Variants in PTPRT observed in about 807,000 individuals in gnomAD.
PTPRT encodes the protein receptor-type tyrosine-protein phosphatase T.
Under a neutral mutation model 176.8 loss-of-function variants are expected in PTPRT, and 56 were observed. That is an observed-to-expected ratio of 0.32 (90% CI 0.26 to 0.40). PTPRT has a LOEUF of 0.40. Among genes scored for constraint, PTPRT ranks in the 10% least tolerant of loss-of-function variants. The pLI, the probability that PTPRT is intolerant of heterozygous loss-of-function variation, is 1.00. For missense variants in PTPRT, 1,540 were observed against 1,908.2 expected, an observed-to-expected ratio of 0.81 and a Z score of 3.60; for synonymous variants, 783 against 739.0, an observed-to-expected ratio of 1.06 and a Z score of -0.96.
At chr20:43,163,155 A>G (rs1384125094) in intron 1 of PTPRT, among the ~76,000 whole-genome samples, 2 of 152,238 alleles carry the variant, frequency 1.3e-5, no homozygotes, top group African/African-American at 4.8e-5. Flanking sequence ...AACAATCAGC[A>G]TCCTCTTAGC....
At chr20:42,707,481 T>C (rs1247370799) in intron 6 of PTPRT, among the ~76,000 whole-genome samples, 2 of 152,174 alleles carry the variant, frequency 1.3e-5, no homozygotes, top group African/African-American at 4.8e-5. Context: ...AGATGTGTGG[T>C]GTCAGAACAT....
intron 11 of PTPRT, among the ~76,000 whole-genome samples, chr20:42,317,791 G>A (rs1183211600): frequency 1.3e-5 from 2 of 152,184 alleles, no homozygotes; most frequent in African/African-American, 2.4e-5. Flanking sequence ...TCAGGCATGC[G>A]AAAAGGAAGC....
Position 42,104,724 on chromosome 20 carries a change from A to G in PTPRT, c.3391-6T>C, listed in dbSNP as rs1019121546. 3.2e-6 allele frequency: 5 copies of G among 1,567,726 alleles called. No individual in the cohort carries two copies. Among genetic ancestry groups the G allele is most frequent in the African/African-American group, 2.7e-5 (2 of 73,974 alleles). ...TGCACAAACACATATTGCTCCTGCA[A>G]AGTCAGAAGAGAGGGAATGGGGTGC... On this transcript the variant is annotated splice_region_variant and splice_polypyrimidine_tract_variant and intron_variant, in intron 24 of 30. Transcript: ENST00000373187.
At chr20:42,620,619 C>G (rs1424713111) in intron 7 of PTPRT, among the ~76,000 whole-genome samples, 2 of 152,166 alleles carry the variant, frequency 1.3e-5, no homozygotes, top group East Asian at 1.9e-4. Context: ...ACCCTCCGAG[C>G]CAGGTGTGGG....
intron 7 of PTPRT, among the ~76,000 whole-genome samples, chr20:42,478,815 G>A (rs1601099123): frequency 6.6e-6 from 1 of 151,916 alleles, no homozygotes; most frequent in South Asian, 2.1e-4. Context: ...TTTGGTTCAT[G>A]TTCACCTCCA....
chr20:42,305,969 C>T (rs1811908581), intron 12 of PTPRT, among the ~76,000 whole-genome samples: 1 of 152,166 alleles, frequency 6.6e-6, no homozygotes, highest in African/African-American at 2.4e-5. Context: ...ACTGAGGCTG[C>T]TATTTCCATG....
chr20:43,096,808 C>A (rs1353503588), intron 1 of PTPRT, among the ~76,000 whole-genome samples: 1 of 152,186 alleles, frequency 6.6e-6, no homozygotes, highest in Non-Finnish European at 1.5e-5. Context: ...GGCCCCTGAT[C>A]CCTCTGGGAT....
In PTPRT at chr20:42,079,016, G is replaced by A. The variant is rs1176891842; in HGVS notation, c.*1863C>T. 1 of 179,534 alleles carries A rather than the reference G, an allele frequency of 5.6e-6. No homozygotes were observed. Among genetic ancestry groups the A allele is most frequent in the Non-Finnish European group, 1.2e-5 (1 of 83,902 alleles). The allele number at this position is 179,534 out of a possible 1,614,324, so 11.1% of individuals were successfully genotyped here. On this transcript the variant is annotated 3_prime_UTR_variant, in exon 31 of 31. Coordinates refer to ENST00000373187, the MANE Select transcript of PTPRT (RefSeq NM_007050.6). ...TCTCTGCCCCTCATGCCCTGTCTGG[G>A]GCTAGACCAGCCTTCAAGATGGAGC...
intron 6 of PTPRT, among the ~76,000 whole-genome samples, chr20:42,755,572 A>ATTTT (rs11480364): frequency 1.4e-5 from 2 of 147,130 alleles, no homozygotes; most frequent in African/African-American, 2.5e-5. Context: ...CTGTCAAACC[A>ATTTT]TTTTTTTTTT....
intron 7 of PTPRT, among the ~76,000 whole-genome samples, chr20:42,626,402 G>T (rs375785631): frequency 1.5e-4 from 23 of 152,114 alleles, no homozygotes; most frequent in African/African-American, 5.6e-4. Context: ...ATTAGACTAA[G>T]AACCCACTGG....
At chr20:42,310,680 C>G (rs898701435) in intron 12 of PTPRT, among the ~76,000 whole-genome samples, 2 of 152,110 alleles carry the variant, frequency 1.3e-5, no homozygotes, top group South Asian at 2.1e-4. Flanking sequence ...CCTTCCTACT[C>G]TATGATGCTA....
At chr20:43,149,120 T>C (rs1180864495) in intron 1 of PTPRT, among the ~76,000 whole-genome samples, 1 of 152,242 alleles carries the variant, frequency 6.6e-6, no homozygotes, top group Non-Finnish European at 1.5e-5. Flanking sequence ...ACATATTTGA[T>C]TTGTGCAATT....
At chr20:42,340,339 C>T (rs1191514042) in intron 11 of PTPRT, among the ~76,000 whole-genome samples, 2 of 152,136 alleles carry the variant, frequency 1.3e-5, no homozygotes, top group East Asian at 3.9e-4. Flanking sequence ...TTATAAAATT[C>T]TTCGTAAGCC....
chr20:42,041,042 G>A, the PTPRT span, among the ~76,000 whole-genome samples: 5 of 152,208 alleles, frequency 3.3e-5, no homozygotes, highest in African/African-American at 1.2e-4. Flanking sequence ...GTTTCTGCGT[G>A]TGCTCACATA....
intron 1 of PTPRT, among the ~76,000 whole-genome samples, chr20:43,020,129 C>T (rs206149): frequency 0.4 from 51,219 of 129,306 alleles, 10,901 homozygotes; most frequent in East Asian, 0.66. Context: ...TATATATATA[C>T]ATATGCATGT....
intron 13 of PTPRT, among the ~76,000 whole-genome samples, chr20:42,262,513 A>G (rs2146968241): frequency 6.6e-6 from 1 of 152,342 alleles, no homozygotes. Context: ...GAAGCTTGGC[A>G]GGTGAGTCTG....
intron 2 of PTPRT, among the ~76,000 whole-genome samples, chr20:42,807,689 TA>T (rs2077632283): frequency 6.6e-6 from 1 of 152,200 alleles, no homozygotes; most frequent in Non-Finnish European, 1.5e-5. Flanking sequence ...TCTACTTGTA[TA>T]GAAATTATTT....
intron 7 of PTPRT, among the ~76,000 whole-genome samples, chr20:42,674,385 A>G (rs1018649557): frequency 6.6e-6 from 1 of 152,244 alleles, no homozygotes; most frequent in African/African-American, 2.4e-5. Flanking sequence ...TTACACAGTC[A>G]TGGCAACAGT....
At chr20:42,121,810 T>C (rs1343008647) in intron 19 of PTPRT, among the ~76,000 whole-genome samples, 1 of 151,604 alleles carries the variant, frequency 6.6e-6, no homozygotes, top group African/African-American at 2.4e-5. Context: ...ATGTGTACCA[T>C]GGAATACTAC....
Sources: gnomAD v4.1 joint callset for allele counts (sites outside exome capture counted in the v4.1 genomes callset) on GRCh38, gnomAD v4.1.1 for gene constraint, MANE v1.5 for transcripts, NCBI Gene and HGNC (gene_info 2026-07-23, HGNC 2026-07-21) for gene names.